The following STK3 variants were observed in gnomAD, a reference collection of about 807,000 sequenced individuals.
STK3 encodes the protein serine/threonine-protein kinase 3.
Under a neutral mutation model 58.0 loss-of-function variants are expected in STK3, and 41 were observed. The ratio of observed to expected loss-of-function variants is 0.71; its 90% CI spans 0.55 to 0.92. STK3 has a LOEUF of 0.92. STK3 is among the 40% of genes least tolerant of loss of function. The probability of loss-of-function intolerance (pLI) is 0.00; values close to 1 mark genes in which losing one functional copy is unlikely to be tolerated. For synonymous variants in STK3, 170 were observed against 191.0 expected (o/e 0.89, Z 0.91); for missense variants, 479 against 602.7 (o/e 0.79, Z 2.15).
At chr8:98,709,249 C>T (rs949883794) in intron 4 of STK3, among the ~76,000 whole-genome samples, 2 of 152,036 alleles carry the variant, frequency 1.3e-5, no homozygotes, top group African/African-American at 4.8e-5. Context: ...TAGAGAACGA[C>T]TGAGAAGCTA....
chr8:98,710,529 G>A (rs1826323069), intron 4 of STK3, among the ~76,000 whole-genome samples: 1 of 152,194 alleles, frequency 6.6e-6, no homozygotes, highest in African/African-American at 2.4e-5. Context: ...TACACCCATG[G>A]AGCCTCGCTC....
At chr8:98,426,402 G>A (rs1818232379) in intron 3 of STK3, among the ~76,000 whole-genome samples, 1 of 152,144 alleles carries the variant, frequency 6.6e-6, no homozygotes, top group South Asian at 2.1e-4. Context: ...ACAGCGCCCT[G>A]CAGTCCCGCA....
intron 6 of STK3, among the ~76,000 whole-genome samples, chr8:98,604,608 T>G (rs1384167886): frequency 1.3e-5 from 2 of 152,190 alleles, no homozygotes; most frequent in East Asian, 3.9e-4. Context: ...TGCCTGGACA[T>G]TCAGGCTTTT....
intron 1 of STK3, among the ~76,000 whole-genome samples, chr8:98,914,592 T>C (rs1027415894): frequency 6.6e-6 from 1 of 152,164 alleles, no homozygotes; most frequent in East Asian, 1.9e-4. Flanking sequence ...GGTTTCATGT[T>C]GCCGCTATTG....
At chr8:98,429,421 G>A (rs374031381) in intron 3 of STK3, 143 of 1,579,160 alleles carry the variant, frequency 9.1e-5, no homozygotes, top group Middle Eastern at 1.7e-4. Context: ...TAGCCGGGAG[G>A]ACTTGTCACC....
chr8:98,541,932 G>C (rs2131556926), intron 9 of STK3, among the ~76,000 whole-genome samples: 1 of 152,286 alleles, frequency 6.6e-6, no homozygotes, highest in South Asian at 2.1e-4. Context: ...CTGCCCAAGA[G>C]GGACATTGAG....
intron 6 of STK3, among the ~76,000 whole-genome samples, chr8:98,697,958 TG>T (rs1394579773): frequency 6.6e-6 from 1 of 152,146 alleles, no homozygotes; most frequent in African/African-American, 2.4e-5. Context: ...ATGTTGACAG[TG>T]GGGTGTTAAA....
intron 2 of STK3, among the ~76,000 whole-genome samples, chr8:98,768,693 C>T (rs751193401): frequency 2.0e-4 from 30 of 152,246 alleles, no homozygotes; most frequent in Non-Finnish European, 4.0e-4. Context: ...CTCCTCAGCA[C>T]TACGAAAGAG....
chr8:98,611,272 A>G (rs1263683183), intron 6 of STK3, among the ~76,000 whole-genome samples: 1 of 152,186 alleles, frequency 6.6e-6, no homozygotes. Context: ...GATTAAGAAA[A>G]TCAAAATTAA....
At chr8:98,865,224 T>C (rs2131860514) in intron 3 of STK3, among the ~76,000 whole-genome samples, 2 of 152,308 alleles carry the variant, frequency 1.3e-5, no homozygotes, top group South Asian at 4.1e-4. Flanking sequence ...GACCTGTCTC[T>C]ACAAAAACTT....
chr8:98,595,923 G>A, intron 7 of STK3, 109 bp downstream of exon 7: 1 of 1,270,246 alleles, frequency 7.9e-7, no homozygotes, highest in Non-Finnish European at 1.1e-6. Flanking sequence ...GGGGAGGGGA[G>A]GTTTACATCT....
intron 3 of STK3, among the ~76,000 whole-genome samples, chr8:98,857,387 A>G (rs1161190471): frequency 6.6e-6 from 1 of 152,170 alleles, no homozygotes; most frequent in Non-Finnish European, 1.5e-5. Flanking sequence ...TTAAAGGAGC[A>G]TTCTCCAGCC....
intron 1 of STK3, among the ~76,000 whole-genome samples, chr8:98,439,598 A>C (rs1818618545): frequency 6.6e-6 from 1 of 152,192 alleles, no homozygotes; most frequent in Non-Finnish European, 1.5e-5. Context: ...CCTCTGAGGC[A>C]GGGTTCAGTG....
intron 3 of STK3, among the ~76,000 whole-genome samples, chr8:98,419,099 G>A (rs1042514263): frequency 2.0e-5 from 3 of 152,162 alleles, no homozygotes; most frequent in African/African-American, 4.8e-5. Flanking sequence ...GGTGGCTCAC[G>A]CCTGAAATCC....
At chr8:98,635,623 T>A (rs2130556054) in intron 6 of STK3, among the ~76,000 whole-genome samples, 1 of 152,284 alleles carries the variant, frequency 6.6e-6, no homozygotes, top group Middle Eastern at 3.4e-3. Context: ...TTTCTAATTT[T>A]ACAATACATG....
intron 7 of STK3, among the ~76,000 whole-genome samples, chr8:98,588,590 C>G (rs1814910905): frequency 2.0e-5 from 3 of 152,088 alleles, no homozygotes; most frequent in South Asian, 4.2e-4. Flanking sequence ...GAGTTGCTTT[C>G]TCGAGGAGTA....
intron 4 of STK3, among the ~76,000 whole-genome samples, chr8:98,716,811 C>T (rs1032451147): frequency 2.6e-5 from 4 of 152,076 alleles, no homozygotes; most frequent in African/African-American, 9.7e-5. Flanking sequence ...GTGATATTGG[C>T]ATAAACACAG....
At chr8:98,688,555 A>T (rs1824174772) in intron 6 of STK3, among the ~76,000 whole-genome samples, 1 of 152,196 alleles carries the variant, frequency 6.6e-6, no homozygotes, top group Admixed American at 6.5e-5. Context: ...CAAAAAAATC[A>T]AAATCATACC....
the STK3 span, among the ~76,000 whole-genome samples, chr8:98,361,834 A>G: frequency 2.0e-5 from 3 of 152,282 alleles, no homozygotes; most frequent in African/African-American, 7.2e-5. Context: ...CAGGCCTTCA[A>G]CATGTGGCCT....
Sources: allele counts gnomAD v4.1 joint callset (sites outside exome capture counted in the v4.1 genomes callset), GRCh38; gene constraint gnomAD v4.1.1; transcripts MANE v1.5; gene names NCBI Gene and HGNC (gene_info 2026-07-23, HGNC 2026-07-21).